Variants in PTPRN2 observed in about 807,000 individuals in gnomAD.
The protein encoded by PTPRN2 is protein tyrosine phosphatase receptor type N2.
PTPRN2 carries 74 observed loss-of-function variants against 118.8 expected under a neutral mutation model. That is an observed-to-expected ratio of 0.62 (90% CI 0.52 to 0.76). The LOEUF (loss-of-function observed/expected upper bound fraction) is 0.76. Ranked by LOEUF, PTPRN2 falls within the 30% of genes least tolerant of loss-of-function variation. PTPRN2 has a pLI of 0.00. For synonymous variants in PTPRN2, 641 were observed against 608.0 expected, an observed-to-expected ratio of 1.05 and a Z score of -0.80; for missense variants, 1,481 against 1,394.4, an observed-to-expected ratio of 1.06 and a Z score of -0.99.
chr7:157,642,824 A>G (rs1056349919), intron 14 of PTPRN2, among the ~76,000 whole-genome samples: 2 of 137,518 alleles, frequency 1.5e-5, no homozygotes, highest in African/African-American at 6.0e-5. Context: ...CAAAAAAAAA[A>G]AAAAAAAAAA....
At chr7:157,969,203 A>G (rs1433492471) in intron 11 of PTPRN2, among the ~76,000 whole-genome samples, 3 of 151,480 alleles carry the variant, frequency 2.0e-5, no homozygotes, top group Admixed American at 1.3e-4. Context: ...ACCACTTCCC[A>G]GGCTAAAGCG....
intron 7 of PTPRN2, 28 bp downstream of exon 7, chr7:158,138,266 G>T (rs760009063): frequency 1.2e-6 from 2 of 1,603,232 alleles, no homozygotes; most frequent in Admixed American, 3.3e-5. Flanking sequence ...GCACCCCTGG[G>T]TGTGGGCACC....
At chr7:157,752,516 C>G (rs1349160640) in intron 12 of PTPRN2, among the ~76,000 whole-genome samples, 2 of 152,184 alleles carry the variant, frequency 1.3e-5, no homozygotes, top group East Asian at 3.9e-4. Context: ...TTGTGCTGGC[C>G]TCAGGGTCAA....
chr7:158,575,874 A>T, intron 1 of PTPRN2, among the ~76,000 whole-genome samples: 1 of 152,364 alleles, frequency 6.6e-6, no homozygotes, highest in Middle Eastern at 3.4e-3. Flanking sequence ...TAGAAATTAT[A>T]ATAAAAATTT....
intron 21 of PTPRN2, among the ~76,000 whole-genome samples, chr7:157,563,475 G>A (rs1294512235): frequency 7.2e-4 from 49 of 68,516 alleles, no homozygotes; most frequent in Admixed American, 6.7e-4. Context: ...GTGCTCCCAC[G>A]TCACCACACA....
rs183231917 is a variant in PTPRN2, at chr7:157,780,991, C to T, written c.1789-98054G>A. ...GGCCAAACCTTCTCTGGCCTCCTGC[C>T]GCTCACGGCCACAATCACCCCACAT... is the stretch of plus-strand genomic sequence containing the variant. On this transcript the variant is annotated intron_variant, in intron 12 of 22. Transcript: ENST00000389418. The surrounding 1 kb of genome is among the most constrained non-coding windows in gnomAD (Gnocchi z 4.5). Among the ~76,000 whole-genome samples, 137 of 152,340 alleles carry T rather than the reference C, an allele frequency of 9.0e-4. No homozygotes were observed. The highest frequency in any genetic ancestry group is 3.0e-3 in the African/African-American group (125 of 41,578).
At chr7:158,581,174 C>A (rs948848532) in intron 1 of PTPRN2, among the ~76,000 whole-genome samples, 1 of 151,770 alleles carries the variant, frequency 6.6e-6, no homozygotes, top group African/African-American at 2.4e-5. Context: ...GGGATGACCA[C>A]TGGGAGAGAA....
At chr7:157,939,564 A>G (rs1799918535) in intron 11 of PTPRN2, among the ~76,000 whole-genome samples, 1 of 152,250 alleles carries the variant, frequency 6.6e-6, no homozygotes, top group Admixed American at 6.5e-5. Flanking sequence ...CATCATCTGC[A>G]TATGAACCTA....
intron 1 of PTPRN2, among the ~76,000 whole-genome samples, chr7:158,559,080 G>A (rs1827219521): frequency 1.3e-5 from 2 of 152,204 alleles, no homozygotes. Flanking sequence ...ACAGAGCAGA[G>A]GCCACAAAGT....
At chr7:157,686,482 A>G (rs1342004955) in intron 12 of PTPRN2, among the ~76,000 whole-genome samples, 1 of 152,186 alleles carries the variant, frequency 6.6e-6, no homozygotes, top group African/African-American at 2.4e-5. Flanking sequence ...AATGAGTTTA[A>G]AAGTGAGTTT....
At chr7:157,943,594 C>T (rs1221466298) in intron 11 of PTPRN2, among the ~76,000 whole-genome samples, 2 of 151,888 alleles carry the variant, frequency 1.3e-5, no homozygotes, top group Non-Finnish European at 2.9e-5. Context: ...CATGGAGGAT[C>T]CCCAGACTGA....
chr7:158,267,047 G>A (rs764034907), intron 3 of PTPRN2, among the ~76,000 whole-genome samples: 91 of 152,330 alleles, frequency 6.0e-4, no homozygotes, highest in African/African-American at 2.0e-3. Context: ...CATCTGCAGC[G>A]TCGTCTCCAG....
At chr7:158,277,740 G>A (rs11976578) in intron 3 of PTPRN2, among the ~76,000 whole-genome samples, 103,038 of 152,008 alleles carry the variant, frequency 0.68, 35,766 homozygotes, top group South Asian at 0.85. Flanking sequence ...CTACTCCCTT[G>A]CCCGGCCGGG....
At chr7:157,662,782 C>T (rs369476210) in intron 13 of PTPRN2, among the ~76,000 whole-genome samples, 38 of 152,194 alleles carry the variant, frequency 2.5e-4, no homozygotes, top group Admixed American at 9.8e-4. Flanking sequence ...CGACTGCTTT[C>T]GGAATGTGCT....
At chr7:158,102,054 C>T (rs1431702713) in intron 10 of PTPRN2, among the ~76,000 whole-genome samples, 3 of 152,202 alleles carry the variant, frequency 2.0e-5, no homozygotes, top group Non-Finnish European at 4.4e-5. Flanking sequence ...TGGTTCCTCT[C>T]CCAAGCCCCA....
At position 157,893,279 on chromosome 7, in the gene PTPRN2, C is replaced by T. The variant is rs770021578; in HGVS notation, c.1788+5394G>A. On this transcript the variant is annotated intron_variant, in intron 12 of 22. Coordinates refer to ENST00000389418, the MANE Select transcript of PTPRN2 (RefSeq NM_002847.5). This position sits in a 1 kb window ranked among gnomAD's most constrained non-coding sequence, Gnocchi z 4.0. The stretch of plus-strand genomic sequence containing the variant: ...GGAATGGCAAGGTCCATCCTCTGCT[C>T]GCTCAGGGGCCAGAGAGGACACAGG... Among the ~76,000 whole-genome samples, 23 of 152,290 alleles carry T rather than the reference C, an allele frequency of 1.5e-4. No individual in the cohort carries two copies. The highest frequency in any genetic ancestry group is 9.8e-4 in the Admixed American group (15 of 15,296).
intron 11 of PTPRN2, chr7:158,028,716 T>C (rs1375354757): frequency 3.3e-5 from 5 of 152,270 alleles, no homozygotes; most frequent in Admixed American, 2.0e-4. Context: ...CCTAATTTTT[T>C]TGAACACTGA....
chr7:158,302,410 C>CA (rs1271849300), intron 3 of PTPRN2, among the ~76,000 whole-genome samples: 1 of 152,122 alleles, frequency 6.6e-6, no homozygotes, highest in Non-Finnish European at 1.5e-5. Context: ...ACCCCAGCTC[C>CA]GGCTGCAGAG....
intron 2 of PTPRN2, among the ~76,000 whole-genome samples, chr7:158,410,491 A>G (rs1020633879): frequency 1.3e-5 from 2 of 152,184 alleles, no homozygotes; most frequent in African/African-American, 4.8e-5. Flanking sequence ...CTGGCCCTGA[A>G]GTTCTGCGAC....
Sources: gnomAD v4.1 joint callset for allele counts (sites outside exome capture counted in the v4.1 genomes callset) on GRCh38, gnomAD v4.1.1 for gene constraint, Gnocchi (gnomAD v3.1) non-coding constraint, MANE v1.5 for transcripts, NCBI Gene and HGNC (gene_info 2026-07-23, HGNC 2026-07-21) for gene names.